Variants in FREM1 observed in about 807,000 individuals in gnomAD.
FREM1 encodes the protein FRAS1 related extracellular matrix 1, also known as FRAS1-related extracellular matrix protein 1.
Under a neutral mutation model 210.1 loss-of-function variants are expected in FREM1, and 220 were observed. That is an observed-to-expected ratio of 1.05 (90% confidence interval 0.94 to 1.17). The LOEUF (loss-of-function observed/expected upper bound fraction) is 1.17. Ranked by LOEUF, FREM1 falls within the 50% of genes most tolerant of loss-of-function variation. The pLI, the probability that FREM1 is intolerant of heterozygous loss-of-function variation, is 0.00. For synonymous variants in FREM1, 1,189 were observed against 980.2 expected, an observed-to-expected ratio of 1.21 and a Z score of -3.98; for missense variants, 3,454 against 2,675.5, an observed-to-expected ratio of 1.29 and a Z score of -6.42.
At chr9:14,829,993 GA>G (rs1365536201) in intron 10 of FREM1, among the ~76,000 whole-genome samples, 2 of 152,180 alleles carry the variant, frequency 1.3e-5, no homozygotes, top group African/African-American at 4.8e-5. Context: ...AAGTGGAAGG[GA>G]GAAATGAAAC....
intron 8 of FREM1, among the ~76,000 whole-genome samples, chr9:14,845,192 G>A (rs1826361251): frequency 6.6e-6 from 1 of 152,098 alleles, no homozygotes; most frequent in African/African-American, 2.4e-5. Flanking sequence ...TTATTACCTT[G>A]TTAACTATCA....
intron 1 of FREM1, among the ~76,000 whole-genome samples, chr9:14,885,658 G>A (rs190912540): frequency 1.8e-4 from 28 of 152,272 alleles, no homozygotes; most frequent in Admixed American, 9.2e-4. Flanking sequence ...CTGGTCTCAA[G>A]CTATTCTTCC....
At chr9:14,803,707 G>A (rs772029272) in intron 19 of FREM1, among the ~76,000 whole-genome samples, 5 of 151,936 alleles carry the variant, frequency 3.3e-5, no homozygotes, top group African/African-American at 9.7e-5. Flanking sequence ...TACTGACTTT[G>A]AAGGGCACCC....
At chr9:14,886,302 C>G (rs1357745978) in intron 1 of FREM1, among the ~76,000 whole-genome samples, 1 of 130,568 alleles carries the variant, frequency 7.7e-6, no homozygotes, top group East Asian at 2.8e-4. Context: ...AGGAGAATCG[C>G]TTGAACCCTG....
At chr9:14,876,404 C>T (rs552233200) in intron 1 of FREM1, among the ~76,000 whole-genome samples, 9 of 152,246 alleles carry the variant, frequency 5.9e-5, no homozygotes, top group Admixed American at 5.9e-4. Context: ...CCCCCAGCCT[C>T]GCTGCCGCCT....
At position 14,784,380 on chromosome 9, in the gene FREM1, C is replaced by T; in HGVS notation, c.4432G>A (p.Asp1478Asn). The T allele has an allele frequency of 6.2e-7, 1 of 1,613,314 alleles. No individual in the cohort carries two copies. The highest frequency in any genetic ancestry group is 8.5e-7 in the Non-Finnish European group (1 of 1,179,428). Residue 1478 changes from aspartate to asparagine, a missense_variant, in exon 24 of 37, where the codon GAC becomes AAC. Asp to Asn is a conservative substitution (Grantham distance 23). Transcript: ENST00000380880. ...VHKSKVTVSS[D>N]RFRFIISNGL... ...TTCCATGGGGCTCACCTGAATCTGT[C>T]ACTGGAGACAGTCACCTTGCTCTTG... is the stretch of plus-strand genomic sequence containing the variant.
chr9:14,829,301 C>T (rs753495812), intron 10 of FREM1, among the ~76,000 whole-genome samples: 8 of 152,130 alleles, frequency 5.3e-5, no homozygotes, highest in Non-Finnish European at 8.8e-5. Context: ...TGTGGAAAAG[C>T]TATTAATTAC....
chr9:14,885,957 T>A lies in FREM1; in HGVS notation c.-267-16713A>T, dbSNP rs1835733233. Among the ~76,000 whole-genome samples the A allele has an allele frequency of 3.9e-5, 6 of 152,292 alleles. No individual in the cohort carries two copies. In the South Asian group the frequency reaches 1.2e-3, roughly 32 times the overall value. On this transcript the variant is annotated intron_variant, in intron 1 of 36. Coordinates refer to ENST00000380880, the MANE Select transcript of FREM1 (RefSeq NM_001379081.2). ...ATACATCTCCTTCCTTTGGACTAAC[T>A]GAAATTTTGTATCCTTTGATCAGCA...
chr9:14,769,459 A>G (rs1333045122), intron 27 of FREM1, among the ~76,000 whole-genome samples: 3 of 152,184 alleles, frequency 2.0e-5, no homozygotes, highest in African/African-American at 7.2e-5. Context: ...CTCCCTGTGT[A>G]TAAAAGTGTG....
chr9:14,861,786 C>T (rs777019214), intron 3 of FREM1, among the ~76,000 whole-genome samples: 18 of 152,092 alleles, frequency 1.2e-4, no homozygotes, highest in Non-Finnish European at 2.4e-4. Context: ...GGATTAGAGG[C>T]ATGAGCCACT....
intron 3 of FREM1, among the ~76,000 whole-genome samples, chr9:14,861,156 C>A (rs1384887845): frequency 2.0e-5 from 2 of 98,720 alleles, no homozygotes; most frequent in Non-Finnish European, 3.8e-5. Context: ...CACATATATA[C>A]GTATATACAC....
chr9:14,881,652 T>C (rs185820445), intron 1 of FREM1, among the ~76,000 whole-genome samples: 10 of 152,358 alleles, frequency 6.6e-5, no homozygotes, highest in Non-Finnish European at 1.3e-4. Context: ...TCTTCCAATA[T>C]CTATCTCTGA....
chr9:14,808,623 G>C (rs1209836416), intron 16 of FREM1, among the ~76,000 whole-genome samples: 1 of 152,162 alleles, frequency 6.6e-6, no homozygotes, highest in Non-Finnish European at 1.5e-5. Flanking sequence ...AAATACAAAA[G>C]TAGGCCACAT....
chr9:14,796,973 C>T (rs554048497), intron 21 of FREM1, among the ~76,000 whole-genome samples: 10 of 152,166 alleles, frequency 6.6e-5, no homozygotes, highest in African/African-American at 1.9e-4. Flanking sequence ...CGATGTGAGG[C>T]GGGAGGGGGT....
chr9:14,814,731 G>C (rs1260993761), intron 15 of FREM1, among the ~76,000 whole-genome samples: 5 of 152,046 alleles, frequency 3.3e-5, no homozygotes, highest in Non-Finnish European at 5.9e-5. Context: ...AAGAGTCTCA[G>C]CTTTCAAATG....
intron 1 of FREM1, among the ~76,000 whole-genome samples, chr9:14,907,273 T>A: frequency 6.6e-6 from 1 of 152,184 alleles, no homozygotes; most frequent in East Asian, 1.9e-4. Flanking sequence ...TTAGAGCCCT[T>A]TGAAATGGTG....
chr9:14,908,709 C>T (rs1374775942), intron 1 of FREM1, among the ~76,000 whole-genome samples: 2 of 152,142 alleles, frequency 1.3e-5, no homozygotes, highest in Non-Finnish European at 2.9e-5. Flanking sequence ...AAGTACATGA[C>T]AAGAATTTCA....
intron 15 of FREM1, among the ~76,000 whole-genome samples, chr9:14,816,123 C>T (rs1190535938): frequency 6.6e-6 from 1 of 151,992 alleles, no homozygotes; most frequent in Non-Finnish European, 1.5e-5. Context: ...TGCCCCACTG[C>T]TAAACAAATA....
chr9:14,805,128 T>G lies in FREM1; in HGVS notation c.3299A>C (p.Asn1100Thr), dbSNP rs1247914984. The G allele has an allele frequency of 6.3e-7, 1 of 1,577,896 alleles. No individual in the cohort carries two copies. The highest frequency in any genetic ancestry group is 2.2e-5 in the East Asian group (1 of 44,446). ...SIDSFQWKDM[N>T]AFHINYVQSR... ...CTGCACATAGTTAATGTGAAAAGCG[T>G]TCATGTCTTTCCACTGAAATGAATC... Residue 1100 changes from asparagine to threonine, a missense_variant, in exon 19 of 37, where the codon AAC becomes ACC. Coordinates refer to ENST00000380880, the MANE Select transcript of FREM1 (RefSeq NM_001379081.2).
Sources: gnomAD v4.1 joint callset for allele counts (sites outside exome capture counted in the v4.1 genomes callset) on GRCh38, gnomAD v4.1.1 for gene constraint, MANE v1.5 for transcripts, NCBI Gene and HGNC (gene_info 2026-07-23, HGNC 2026-07-21) for gene names.